Variants in ADD2 observed in about 807,000 individuals in gnomAD.
The protein encoded by ADD2 is adducin 2.
ADD2 carries 23 observed loss-of-function variants against 83.0 expected under a neutral mutation model. The observed-to-expected ratio is 0.28, with a 90% CI of 0.20 to 0.39. The LOEUF is 0.39. ADD2 is among the 10% of genes least tolerant of loss of function. ADD2 has a pLI of 1.00. For synonymous variants in ADD2, 375 were observed against 375.4 expected, an observed-to-expected ratio of 1.00 and a Z score of 0.01; for missense variants, 758 against 944.9, an observed-to-expected ratio of 0.80 and a Z score of 2.59.
At chr2:70,675,659 G>C in intron 13 of ADD2, 2 of 985,436 alleles carry the variant, frequency 2.0e-6, no homozygotes, top group Non-Finnish European at 2.4e-6. Context: ...AAGCCAAAGG[G>C]AGGTGAGCCT....
In ADD2 at chr2:70,657,713, G is replaced by A. The variant is rs983081158; in HGVS notation, c.*5712C>T. The stretch of plus-strand genomic sequence containing the variant: ...TTATACAAGATAATTTGCTGGGGGA[G>A]AGAAGAGTTTAGGGTCTTTCTACAG... On this transcript the variant is annotated 3_prime_UTR_variant, in exon 16 of 16. Coordinates refer to ENST00000264436, the MANE Select transcript of ADD2 (RefSeq NM_001617.4). 1 of 152,120 alleles carries A rather than the reference G, an allele frequency of 6.6e-6. No individual in the cohort carries two copies. Among genetic ancestry groups the A allele is most frequent in the African/African-American group, 2.4e-5 (1 of 41,372 alleles). The allele number at this position is 152,120 out of a possible 1,614,324, so 9.4% of individuals were successfully genotyped here.
chr2:70,734,647 C>T (rs1249577184), intron 1 of ADD2, among the ~76,000 whole-genome samples: 1 of 152,134 alleles, frequency 6.6e-6, no homozygotes, highest in Non-Finnish European at 1.5e-5. Context: ...AAAGGATGAC[C>T]AGTATCTTTG....
chr2:70,721,450 A>C (rs1672725376), intron 1 of ADD2, among the ~76,000 whole-genome samples: 1 of 152,204 alleles, frequency 6.6e-6, no homozygotes, highest in Admixed American at 6.5e-5. Context: ...TCTGGTTCCT[A>C]CAGCAGGTTA....
chr2:70,705,676 G>T (rs1471352983), intron 3 of ADD2, among the ~76,000 whole-genome samples: 3 of 152,270 alleles, frequency 2.0e-5, no homozygotes, highest in Non-Finnish European at 4.4e-5. Flanking sequence ...GGAGGGATGT[G>T]AGTGATCCCG....
At chr2:70,726,740 A>G (rs1295847144) in intron 1 of ADD2, among the ~76,000 whole-genome samples, 1 of 152,216 alleles carries the variant, frequency 6.6e-6, no homozygotes, top group African/African-American at 2.4e-5. Flanking sequence ...TGAGAAGCTC[A>G]TTTTGGTAGA....
chr2:70,703,958 A>AGTG (rs1553373873), intron 4 of ADD2, among the ~76,000 whole-genome samples: 1 of 152,104 alleles, frequency 6.6e-6, no homozygotes. Flanking sequence ...ACAGCCCAGG[A>AGTG]GGGTGGCTTC....
intron 12 of ADD2, 119 bp downstream of exon 12, chr2:70,677,639 T>C: frequency 3.0e-6 from 4 of 1,332,150 alleles, no homozygotes; most frequent in Non-Finnish European, 4.2e-6. Flanking sequence ...TTCTCTCTCC[T>C]GTGAGGCATG....
intron 15 of ADD2, among the ~76,000 whole-genome samples, chr2:70,669,341 T>C (rs782740491): frequency 1.6e-4 from 24 of 152,128 alleles, no homozygotes; most frequent in Non-Finnish European, 3.2e-4. Flanking sequence ...GACCAAGAAA[T>C]AGAGATTTTT....
At chr2:70,667,678 A>G (rs977884138) in intron 15 of ADD2, among the ~76,000 whole-genome samples, 3 of 152,014 alleles carry the variant, frequency 2.0e-5, no homozygotes, top group African/African-American at 7.2e-5. Context: ...CTGGAGTGTA[A>G]TGGTGCAATA....
chr2:70,678,375 A>G (rs1553368829), intron 11 of ADD2, among the ~76,000 whole-genome samples: 1 of 152,154 alleles, frequency 6.6e-6, no homozygotes, highest in Non-Finnish European at 1.5e-5. Flanking sequence ...CCAATGTTAA[A>G]TGCTCCTCCC....
At chr2:70,750,047 C>T (rs1281929358) in intron 1 of ADD2, among the ~76,000 whole-genome samples, 1 of 152,178 alleles carries the variant, frequency 6.6e-6, no homozygotes, top group Non-Finnish European at 1.5e-5. Context: ...CAGGACCTTT[C>T]TGAGCCTTTC....
chr2:70,664,190 C>T (rs1303895478), intron 15 of ADD2, among the ~76,000 whole-genome samples: 1 of 152,226 alleles, frequency 6.6e-6, no homozygotes, highest in Non-Finnish European at 1.5e-5. Flanking sequence ...ATTTCATTTT[C>T]TACACCAGTG....
At chr2:70,703,655 G>C (rs1671730348) in intron 4 of ADD2, among the ~76,000 whole-genome samples, 1 of 152,124 alleles carries the variant, frequency 6.6e-6, no homozygotes, top group African/African-American at 2.4e-5. Context: ...TCCAACAATG[G>C]GAAATTTATT....
rs537806820 is a variant in ADD2, at chr2:70,674,414, C to T, written c.1741+264G>A. Among the ~76,000 whole-genome samples the T allele has an allele frequency of 3.3e-5, 5 of 152,306 alleles. No homozygotes were observed. The East Asian group carries it at 9.6e-4, about 29-fold the overall frequency. The stretch of plus-strand genomic sequence containing the variant: ...ATAGCTAAAATTGATCTGGTGTTTA[C>T]TGGCCTAAGCCATATTTGTAGGCAC... On this transcript the variant is annotated intron_variant, in intron 14 of 15. Coordinates refer to ENST00000264436, the MANE Select transcript of ADD2 (RefSeq NM_001617.4).
In ADD2 at chr2:70,683,936, G is replaced by T. The variant is rs1670592921; in HGVS notation, c.949-169C>A. Among the ~76,000 whole-genome samples, 3 of 152,196 alleles carry T rather than the reference G, an allele frequency of 2.0e-5. No homozygotes were observed. The South Asian group carries it at 6.2e-4, about 31-fold the overall frequency. ...GCATGCCCCCATTTCCAAGAAAAGA[G>T]CTATTAGTTTATTTTCTGATGCCAG... is the stretch of plus-strand genomic sequence containing the variant. On this transcript the variant is annotated intron_variant, in intron 9 of 15. Coordinates refer to ENST00000264436, the MANE Select transcript of ADD2 (RefSeq NM_001617.4).
At chr2:70,734,582 A>C (rs1673432477) in intron 1 of ADD2, among the ~76,000 whole-genome samples, 1 of 152,192 alleles carries the variant, frequency 6.6e-6, no homozygotes. Flanking sequence ...TGAGGAAGGG[A>C]GAACTGAAAT....
chr2:70,670,293 T>C (rs1206443437), intron 15 of ADD2, among the ~76,000 whole-genome samples: 3 of 152,254 alleles, frequency 2.0e-5, no homozygotes, highest in African/African-American at 7.2e-5. Context: ...CATTTTATCC[T>C]GACAACATGC....
chr2:70,724,513 G>A (rs1202576642), intron 1 of ADD2, among the ~76,000 whole-genome samples: 1 of 152,052 alleles, frequency 6.6e-6, no homozygotes, highest in Admixed American at 6.5e-5. Flanking sequence ...CACTATGCAC[G>A]TGGGTTTCCC....
At chr2:70,669,882 A>G (rs1181219794) in intron 15 of ADD2, among the ~76,000 whole-genome samples, 1 of 152,226 alleles carries the variant, frequency 6.6e-6, no homozygotes, top group African/African-American at 2.4e-5. Flanking sequence ...AGAGACAGAC[A>G]GACAGACAGA....
Sources: gnomAD v4.1 joint callset for allele counts (sites outside exome capture counted in the v4.1 genomes callset) on GRCh38, gnomAD v4.1.1 for gene constraint, MANE v1.5 for transcripts, NCBI Gene and HGNC (gene_info 2026-07-23, HGNC 2026-07-21) for gene names.